The following FIBP variants were observed in gnomAD, a reference collection of about 807,000 sequenced individuals.
FIBP encodes the protein FGF1 intracellular binding protein, also known as acidic fibroblast growth factor intracellular-binding protein.
Under a neutral mutation model 40.5 loss-of-function variants are expected in FIBP, and 29 were observed. That is an observed-to-expected ratio of 0.72 (90% CI 0.53 to 0.98). The LOEUF is 0.98. Ranked by LOEUF, FIBP falls within the 50% of genes least tolerant of loss-of-function variation. The pLI, the probability that FIBP is intolerant of heterozygous loss-of-function variation, is 0.00. For synonymous variants in FIBP, 215 were observed against 191.1 expected (o/e 1.13, Z -1.03); for missense variants, 411 against 470.2 (o/e 0.87, Z 1.16).
intron 2 of FIBP, 88 bp downstream of exon 2, chr11:65,887,846 T>C: frequency 6.9e-6 from 11 of 1,583,736 alleles, no homozygotes; most frequent in Non-Finnish European, 9.5e-6. Flanking sequence ...GCTGGGTAAA[T>C]CCCATCCCTC....
At chr11:65,887,445 C>T (rs1294917558) in intron 3 of FIBP, 155 bp downstream of exon 3, 4 of 682,982 alleles carry the variant, frequency 5.9e-6, no homozygotes, top group Admixed American at 5.2e-5. Flanking sequence ...GACTCCATCT[C>T]GAAAAAAAAA....
rs200002664 is a variant in FIBP, at chr11:65,884,003, C to T, written c.1045G>A (p.Gly349Ser). 22 of 1,613,844 alleles carry T rather than the reference C, an allele frequency of 1.4e-5. No individual in the cohort carries two copies. Among genetic ancestry groups the T allele is most frequent in the African/African-American group, 8.0e-5 (6 of 74,890 alleles). ...LWDRYMGTLR[G>S]CLLRLYHD Reference sequence around the variant, plus strand: ...TCATGATACAGGCGCAGGAGGCAGCCGCGGAGGGTGCCCATGTAGCGGTCC... The same window carrying T: ...TCATGATACAGGCGCAGGAGGCAGCTGCGGAGGGTGCCCATGTAGCGGTCC... The change falls in exon 10 of 10, where the codon GGC (glycine) becomes AGC (serine). Residue 349 changes from glycine to serine, a missense_variant. Transcript: ENST00000357519.
chr11:65,885,352 T>A, intron 5 of FIBP, 166 bp from the exon 6 acceptor site: 2 of 919,300 alleles, frequency 2.2e-6, no homozygotes. Flanking sequence ...CAATGGGCCC[T>A]TTGTCTGCAG....
At chr11:65,884,706 A>G (rs34484428) in intron 7 of FIBP, 50 bp from the exon 8 acceptor site, 41,401 of 1,590,700 alleles carry the variant, frequency 0.026, 649 homozygotes, top group Non-Finnish European at 0.032. Context: ...AGAAGTTGGC[A>G]GCTGAGCACA....
At chr11:65,884,221 C>A (rs943811352) in intron 9 of FIBP, 171 bp downstream of exon 9, 3 of 761,270 alleles carry the variant, frequency 3.9e-6, no homozygotes, top group Non-Finnish European at 6.5e-6. Context: ...GTTAAGAAAC[C>A]TGCCCCAAAT....
At chr11:65,884,723 G>A in intron 7 of FIBP, 67 bp from the exon 8 acceptor site, 2 of 1,535,390 alleles carry the variant, frequency 1.3e-6, no homozygotes, top group Non-Finnish European at 1.8e-6. Flanking sequence ...CACAGAAGCT[G>A]GGGGAGGAGG....
rs777324318 is a variant in FIBP, at chr11:65,888,113, C to A, written c.105G>T (p.Leu35=). The change falls in exon 2 of 10, where the codon CTG becomes CTT. Residue 35 remains leucine (L), a synonymous_variant. Transcript: ENST00000357519. The part of the protein sequence containing the change: ...DGYSVTDAVA[L]RVRSGILEQT... ...GCTCCAGGATTCCCGAGCGCACCCG[C>A]AGGGCCACCGCGTCGGTCACTGGAA... The A allele has an allele frequency of 3.2e-5, 50 of 1,582,498 alleles. No homozygotes were observed. The highest frequency in any genetic ancestry group is 4.1e-5 in the Non-Finnish European group (48 of 1,167,648).
intron 7 of FIBP, 75 bp downstream of exon 7, chr11:65,884,860 G>A: frequency 1.3e-6 from 2 of 1,558,808 alleles, no homozygotes; most frequent in Non-Finnish European, 1.8e-6. Flanking sequence ...CCTGGCAGGG[G>A]CAGAGCTGCC....
rs1163167435 is a variant in FIBP, at chr11:65,884,922, T to C, written c.819+13A>G. 6.2e-7 allele frequency: 1 copy of C among 1,613,968 alleles called. No homozygotes were observed. Among genetic ancestry groups the C allele is most frequent in the Non-Finnish European group, 8.5e-7 (1 of 1,179,952 alleles). ...AAGATGCCAAGGGTCAGAGGCTGGA[T>C]GGGACCACAGACCTTGAAGTTGGCT... is the stretch of plus-strand genomic sequence containing the variant. On this transcript the variant is annotated intron_variant, in intron 7 of 9. Coordinates refer to ENST00000357519, the MANE Select transcript of FIBP (RefSeq NM_004214.5).
At chr11:65,885,987 T>C in intron 4 of FIBP, 1 of 436,856 alleles carries the variant, frequency 2.3e-6, no homozygotes, top group Non-Finnish European at 4.1e-6. Flanking sequence ...GGACTGTGCT[T>C]TGAATCCAGG....
intron 4 of FIBP, 70 bp downstream of exon 4, chr11:65,886,252 G>T (rs663491): frequency 5.0e-6 from 5 of 997,396 alleles, no homozygotes; most frequent in Admixed American, 1.7e-5. Context: ...AAGGTTTGGG[G>T]TAGGGAAGGT....
chr11:65,884,538 C>T, intron 8 of FIBP, 32 bp downstream of exon 8: 1 of 1,614,002 alleles, frequency 6.2e-7, no homozygotes, highest in Non-Finnish European at 8.5e-7. Flanking sequence ...AGGGACAGAC[C>T]AGGTTGGGTG....
In FIBP at chr11:65,885,510, T is replaced by G. The variant is rs780013561; in HGVS notation, c.646+20A>C. The G allele has an allele frequency of 6.2e-7, 1 of 1,607,422 alleles. No homozygotes were observed. The highest frequency in any genetic ancestry group is 1.3e-5 in the African/African-American group (1 of 74,698). ...GAGGATGGGGAGGCGTCCAGGCACC[T>G]GGGTCAGTGGGGGCCTCACCGACGG... On this transcript the variant is annotated intron_variant, in intron 5 of 9. Transcript: ENST00000357519.
rs1473887510 is a variant in FIBP at position 65,885,169 on chromosome 11, T to C, written c.664A>G (p.Met222Val). 5 of 1,608,908 alleles carry C rather than the reference T, an allele frequency of 3.1e-6. No homozygotes were observed. The highest frequency in any genetic ancestry group is 4.2e-6 in the Non-Finnish European group (5 of 1,177,806). Residue 222 changes from methionine (M) to valine (V), a missense_variant, in exon 6 of 10, where the codon ATG becomes GTG. Met to Val is a conservative substitution (Grantham distance 21, BLOSUM62 1). Coordinates refer to ENST00000357519, the MANE Select transcript of FIBP (RefSeq NM_004214.5). Reference sequence around the variant, plus strand: ...AATTCCTTGTCTAAGTCCATGTCCATGTCATCCATCTGTGAGTCTGTGAGG... The same window carrying C: ...AATTCCTTGTCTAAGTCCATGTCCACGTCATCCATCTGTGAGTCTGTGAGG... Reference protein sequence around the residue: ...LGAVDSQMDDMDMDLDKEFLQ... With the variant: ...LGAVDSQMDDVDMDLDKEFLQ...
intron 3 of FIBP, 136 bp downstream of exon 3, chr11:65,887,463 AG>A: frequency 2.1e-6 from 2 of 934,152 alleles, no homozygotes; most frequent in Non-Finnish European, 1.7e-6. Context: ...AAAAAAAAAA[AG>A]GAGGGGAAAG....
At chr11:65,886,594 A>G (rs1291695804) in intron 3 of FIBP, 172 bp from the exon 4 acceptor site, 4 of 571,124 alleles carry the variant, frequency 7.0e-6, no homozygotes, top group Non-Finnish European at 1.3e-5. Context: ...AGTACTTGTT[A>G]TCAAATCAAA....
intron 1 of FIBP, 81 bp downstream of exon 1, chr11:65,888,253 T>G (rs1367823205): frequency 6.7e-7 from 1 of 1,482,564 alleles, no homozygotes; most frequent in Non-Finnish European, 9.1e-7. Flanking sequence ...CCCTAAAGGA[T>G]GCCCAAGTCT....
chr11:65,887,695 C>G lies in FIBP; in HGVS notation c.316G>C (p.Glu106Gln). The change falls in exon 3 of 10, where the codon GAG becomes CAG. Residue 106 changes from glutamate to glutamine, a missense_variant. Physicochemically the swap from Glu to Gln is conservative, Grantham distance 29 (BLOSUM62 2). Coordinates refer to ENST00000357519, the MANE Select transcript of FIBP (RefSeq NM_004214.5). The part of the protein sequence containing the change: ...YYAFDEAFVR[E>Q]VLGKKLSKGT... ...TTGGACAGCTTCTTGCCCAGCACCT[C>G]CCGAACAAAGGCCTCATCAAAGGCA... 2 of 1,614,160 alleles carry G rather than the reference C, an allele frequency of 1.2e-6. No homozygotes were observed. Among genetic ancestry groups the G allele is most frequent in the Non-Finnish European group, 1.7e-6 (2 of 1,180,044 alleles).
intron 1 of FIBP, 32 bp from the exon 2 acceptor site, chr11:65,888,164 C>T (rs1860293661): frequency 6.5e-7 from 1 of 1,533,674 alleles, no homozygotes; most frequent in South Asian, 1.2e-5. Flanking sequence ...CAGGCCCCGC[C>T]CCGCCGACGC....
Sources: gnomAD v4.1 joint callset for allele counts on GRCh38, gnomAD v4.1.1 for gene constraint, MANE v1.5 for transcripts, NCBI Gene and HGNC (gene_info 2026-07-23, HGNC 2026-07-21) for gene names.